Variants in GFRA2 observed in about 807,000 individuals in gnomAD.
The protein encoded by GFRA2 is GDNF family receptor alpha-2.
GFRA2 carries 17 observed loss-of-function variants against 48.3 expected under a neutral mutation model. That is an observed-to-expected ratio of 0.35 (90% CI 0.24 to 0.53). The LOEUF is 0.53. Ranked by LOEUF, GFRA2 falls within the 20% of genes least tolerant of loss-of-function variation. The probability of loss-of-function intolerance (pLI) is 0.93; values close to 1 mark genes in which losing one functional copy is unlikely to be tolerated. For synonymous variants in GFRA2, 305 were observed against 257.2 expected, an observed-to-expected ratio of 1.19 and a Z score of -1.78; for missense variants, 660 against 637.3, an observed-to-expected ratio of 1.04 and a Z score of -0.38.
intron 4 of GFRA2, among the ~76,000 whole-genome samples, chr8:21,733,174 T>C (rs1804279765): frequency 6.6e-6 from 1 of 152,146 alleles, no homozygotes; most frequent in African/African-American, 2.4e-5. Flanking sequence ...TATCAGGAGA[T>C]GCCACCCCCT....
chr8:21,746,509 C>T (rs1266097243), intron 4 of GFRA2, among the ~76,000 whole-genome samples: 1 of 152,190 alleles, frequency 6.6e-6, no homozygotes, highest in Admixed American at 6.5e-5. Context: ...GAATTTCCTA[C>T]TCAGGATCCC....
intron 3 of GFRA2, among the ~76,000 whole-genome samples, chr8:21,757,531 T>C (rs1415910399): frequency 7.0e-6 from 1 of 142,002 alleles, no homozygotes. Context: ...AGTTTCACTC[T>C]GTCGCACGTT....
rs140884905 is a variant in GFRA2, at chr8:21,699,704, C to T, written c.1218+3101G>A. ...AAGCATTTTCACCTCTGCAGCTTCCCAGTCCTGCGCACAGAGGGCACCTAG... is the reference window on the plus strand; with the variant it reads ...AAGCATTTTCACCTCTGCAGCTTCCTAGTCCTGCGCACAGAGGGCACCTAG... On this transcript the variant is annotated intron_variant, in intron 7 of 8. Transcript: ENST00000524240. Among the ~76,000 whole-genome samples, 657 of 152,346 alleles carry T rather than the reference C, an allele frequency of 4.3e-3. 2 individuals are homozygous for T. The highest frequency in any genetic ancestry group is 0.014 in the African/African-American group (601 of 41,580).
chr8:21,705,817 A>G, intron 5 of GFRA2, 115 bp downstream of exon 5: 2 of 661,532 alleles, frequency 3.0e-6, no homozygotes, highest in Non-Finnish European at 5.3e-6. Flanking sequence ...TGATGCAGAG[A>G]AGGCCGGGCT....
chr8:21,778,215 A>T (rs1234094352), intron 2 of GFRA2, among the ~76,000 whole-genome samples: 1 of 144,982 alleles, frequency 6.9e-6, no homozygotes, highest in African/African-American at 2.6e-5. Context: ...ATCAAGGAAC[A>T]GGGAGGAAGG....
At chr8:21,756,637 G>T (rs1388212760) in intron 3 of GFRA2, among the ~76,000 whole-genome samples, 2 of 152,184 alleles carry the variant, frequency 1.3e-5, no homozygotes, top group African/African-American at 2.4e-5. Context: ...TTCCCACTGG[G>T]AAGAAGAAGG....
chr8:21,732,808 A>G (rs1180021765), intron 4 of GFRA2, among the ~76,000 whole-genome samples: 1 of 152,222 alleles, frequency 6.6e-6, no homozygotes, highest in South Asian at 2.1e-4. Flanking sequence ...ACTTCAACAC[A>G]TAAGAATAGC....
intron 4 of GFRA2, among the ~76,000 whole-genome samples, chr8:21,738,763 C>T (rs751084780): frequency 6.6e-6 from 1 of 152,194 alleles, no homozygotes; most frequent in Non-Finnish European, 1.5e-5. Context: ...TCAACAACCC[C>T]ACCAAGCCTG....
intron 7 of GFRA2, among the ~76,000 whole-genome samples, chr8:21,699,546 G>A (rs1329579342): frequency 6.6e-6 from 1 of 152,122 alleles, no homozygotes; most frequent in Non-Finnish European, 1.5e-5. Flanking sequence ...GAGTGTCAGG[G>A]AGAACAGCAG....
chr8:21,693,775 A>AGAAAGGAGAGG, intron 8 of GFRA2, among the ~76,000 whole-genome samples: 1 of 148,112 alleles, frequency 6.8e-6, no homozygotes, highest in South Asian at 2.3e-4. Flanking sequence ...GAGAGGAGAG[A>AGAAAGGAGAGG]GGAAGGAGAG....
intron 1 of GFRA2, among the ~76,000 whole-genome samples, chr8:21,806,886 T>C (rs1163485222): frequency 6.6e-6 from 1 of 152,218 alleles, no homozygotes; most frequent in Non-Finnish European, 1.5e-5. Flanking sequence ...CACATAATGA[T>C]ATGTCATCAT....
intron 3 of GFRA2, among the ~76,000 whole-genome samples, chr8:21,759,408 G>A (rs568585369): frequency 1.5e-5 from 2 of 136,590 alleles, no homozygotes; most frequent in South Asian, 4.9e-4. Context: ...AAGGAAGAGA[G>A]AGAGGGAAAG....
chr8:21,745,480 TA>T (rs1480853699), intron 4 of GFRA2, among the ~76,000 whole-genome samples: 4 of 152,214 alleles, frequency 2.6e-5, no homozygotes, highest in Admixed American at 6.5e-5. Flanking sequence ...CTTCATTCAT[TA>T]AAGTACCAGC....
rs1159236794 is a variant in GFRA2, at chr8:21,794,233, CTTTTTTTT to C, written c.-35-6047_-35-6040del. On this transcript the variant is annotated intron_variant, in intron 2 of 10. Transcript: ENST00000517328. ...AAAATTAAGCTTATCCTGAGAGTGACTTTTTTTTTTTTTTTTTTTTTTTTTTTGAAACG... is the reference window on the plus strand; with the variant it reads ...AAAATTAAGCTTATCCTGAGAGTGACTTTTTTTTTTTTTTTTTTTGAAACG... 7.2e-3 allele frequency among the ~76,000 whole-genome samples: 480 copies of C among 66,992 alleles called. 2 individuals carry two copies. The highest frequency in any genetic ancestry group is 0.026 in the African/African-American group (435 of 16,810). The allele number at this position is 66,992 out of a possible 152,430, so 43.9% of individuals were successfully genotyped here.
In GFRA2 at chr8:21,694,077, T is replaced by TATATATATATATATATA. The variant is rs1338101835; in HGVS notation, c.1272+386_1272+387insTATATATATATATATAT. Among the ~76,000 whole-genome samples the TATATATATATATATATA allele has an allele frequency of 3.0e-3, 327 of 109,242 alleles. 19 individuals carry two copies. Among genetic ancestry groups the TATATATATATATATATA allele is most frequent in the East Asian group, 0.012 (45 of 3,768 alleles). The allele number at this position is 109,242 out of a possible 152,430, so 71.7% of individuals were successfully genotyped here. Reference sequence around the variant, plus strand: ...TATTTATATATATATTTATTTATTTTTATATATATATATATTTCCTATAGT... The same window carrying TATATATATATATATATA: ...TATTTATATATATATTTATTTATTTTATATATATATATATATATATATATATATATATTTCCTATAGT... On this transcript the variant is annotated intron_variant, in intron 8 of 8. Coordinates refer to ENST00000524240, the MANE Select transcript of GFRA2 (RefSeq NM_001495.5).
intron 4 of GFRA2, among the ~76,000 whole-genome samples, chr8:21,727,390 C>G (rs369741389): frequency 6.6e-6 from 1 of 152,254 alleles, no homozygotes; most frequent in South Asian, 2.1e-4. Flanking sequence ...GGGGGTCCCT[C>G]AAGTGCAGTC....
chr8:21,718,478 A>G (rs1841680129), intron 4 of GFRA2, among the ~76,000 whole-genome samples: 1 of 152,224 alleles, frequency 6.6e-6, no homozygotes, highest in Admixed American at 6.5e-5. Flanking sequence ...ATACCTAGTG[A>G]ACAAATGTGC....
chr8:21,693,348 C>A lies in GFRA2; in HGVS notation c.1325G>T (p.Gly442Val), dbSNP rs1186528167. 1.2e-6 allele frequency: 2 copies of A among 1,613,258 alleles called. No homozygotes were observed. The highest frequency in any genetic ancestry group is 2.2e-5 in the South Asian group (2 of 90,918). ...GSNKVIKPNSGPSRARPSAAL... is the reference protein window; with the variant it reads ...GSNKVIKPNSVPSRARPSAAL... ...AGCCGACGGTCTGGCTCTGCTGGGG[C>A]CTGAGTTAGGTTTGATCACCTTGTT... The change falls in exon 9 of 9, where the codon GGC (glycine) becomes GTC (valine). Residue 442 changes from glycine to valine, a missense_variant. By Grantham distance (109) the Gly-to-Val change is moderately radical. Coordinates refer to ENST00000524240, the MANE Select transcript of GFRA2 (RefSeq NM_001495.5).
At chr8:21,767,581 C>T (rs1453765214) in intron 3 of GFRA2, among the ~76,000 whole-genome samples, 2 of 152,238 alleles carry the variant, frequency 1.3e-5, no homozygotes, top group African/African-American at 4.8e-5. Context: ...GCCCCACCAG[C>T]GCCATCTCAA....
Sources: allele counts gnomAD v4.1 joint callset (sites outside exome capture counted in the v4.1 genomes callset), GRCh38; gene constraint gnomAD v4.1.1; transcripts MANE v1.5; gene names NCBI Gene and HGNC (gene_info 2026-07-23, HGNC 2026-07-21).